The following BCAS3 variants were observed in gnomAD, a reference collection of about 807,000 sequenced individuals.
BCAS3 encodes the protein BCAS4/BCAS3 fusion.
A neutral mutation model predicts 116.1 loss-of-function variants in BCAS3; 53 were observed. The observed-to-expected ratio is 0.46, with a 90% CI of 0.37 to 0.57. The LOEUF is 0.57. Among genes scored for constraint, BCAS3 ranks in the 20% least tolerant of loss-of-function variants. BCAS3 has a pLI of 0.00. For synonymous variants in BCAS3, 391 were observed against 408.2 expected, an observed-to-expected ratio of 0.96 and a Z score of 0.51; for missense variants, 917 against 1,165.4, an observed-to-expected ratio of 0.79 and a Z score of 3.10.
intron 22 of BCAS3, among the ~76,000 whole-genome samples, chr17:61,293,756 A>C (rs916957965): frequency 3.3e-5 from 5 of 152,228 alleles, no homozygotes; most frequent in African/African-American, 1.2e-4. Flanking sequence ...ATCTACTGGA[A>C]ATAGCACCTC....
rs1203957102 is a variant in BCAS3, at chr17:60,825,578, T to C, written c.476+17502T>C. On this transcript the variant is annotated intron_variant, in intron 7 of 23. Coordinates refer to ENST00000407086, the MANE Select transcript of BCAS3 (RefSeq NM_017679.5). ...TAATAATTTATAAATAATTATTATT[T>C]ATAATAATTTATAAATAACAGTTCT... is the stretch of plus-strand genomic sequence containing the variant. Among the ~76,000 whole-genome samples the C allele has an allele frequency of 3.4e-5, 5 of 146,620 alleles. No individual in the cohort carries two copies. The East Asian group carries it at 9.8e-4, about 29-fold the overall frequency.
At chr17:61,317,420 A>G (rs1377307567) in intron 22 of BCAS3, among the ~76,000 whole-genome samples, 1 of 152,218 alleles carries the variant, frequency 6.6e-6, no homozygotes, top group Non-Finnish European at 1.5e-5. Flanking sequence ...CTGGGAAACA[A>G]GCCTTTCCCA....
intron 5 of BCAS3, among the ~76,000 whole-genome samples, chr17:60,734,969 C>T (rs1231630802): frequency 1.3e-5 from 2 of 152,086 alleles, no homozygotes; most frequent in Non-Finnish European, 2.9e-5. Flanking sequence ...TGGAATGTCT[C>T]TTCATTTATT....
chr17:60,715,229 G>T (rs1258415152), intron 5 of BCAS3, among the ~76,000 whole-genome samples: 2 of 151,130 alleles, frequency 1.3e-5, no homozygotes, highest in Admixed American at 1.3e-4. Flanking sequence ...CACCTCTGGG[G>T]TTCAAGTAGT....
At chr17:60,815,119 A>G (rs1374111237) in intron 7 of BCAS3, among the ~76,000 whole-genome samples, 2 of 152,236 alleles carry the variant, frequency 1.3e-5, no homozygotes, top group Non-Finnish European at 2.9e-5. Flanking sequence ...CAGCCATAAA[A>G]AAGGATGAGT....
At chr17:60,778,248 T>C (rs2045490487) in intron 6 of BCAS3, among the ~76,000 whole-genome samples, 1 of 152,136 alleles carries the variant, frequency 6.6e-6, no homozygotes, top group South Asian at 2.1e-4. Context: ...CTATGGTCTT[T>C]AGCGTCTCTT....
chr17:61,310,995 T>TA (rs959307983), intron 22 of BCAS3, among the ~76,000 whole-genome samples: 4 of 152,320 alleles, frequency 2.6e-5, no homozygotes, highest in Non-Finnish European at 5.9e-5. Context: ...TTGAGCAAGT[T>TA]ACTTACCTCT....
chr17:61,045,954 A>T (rs1213615110), intron 19 of BCAS3, among the ~76,000 whole-genome samples: 7 of 11,240 alleles, frequency 6.2e-4, no homozygotes, highest in South Asian at 6.8e-3. Flanking sequence ...TATATATATA[A>T]ATATATATAT....
At position 61,038,813 on chromosome 17, in the gene BCAS3, C is replaced by T. The variant is rs139920635; in HGVS notation, c.1928+759C>T. On this transcript the variant is annotated intron_variant, in intron 18 of 23. Coordinates refer to ENST00000407086, the MANE Select transcript of BCAS3 (RefSeq NM_017679.5). Reference sequence around the variant, plus strand: ...CCTCCTGAGTAGCTGGGACCACAGGCGCCTGCCATCCCATCTGGCTAATTT... The same window carrying T: ...CCTCCTGAGTAGCTGGGACCACAGGTGCCTGCCATCCCATCTGGCTAATTT... 3.4e-3 allele frequency among the ~76,000 whole-genome samples: 522 copies of T among 151,638 alleles called. 2 individuals carry two copies. The highest frequency in any genetic ancestry group is 0.012 in the African/African-American group (489 of 41,408).
Position 61,145,879 on chromosome 17 carries a change from A to C in BCAS3, c.2425+61315A>C, listed in dbSNP as rs962875026. Among the ~76,000 whole-genome samples, 3 of 151,348 alleles carry C rather than the reference A, an allele frequency of 2.0e-5. No individual in the cohort carries two copies. The highest frequency in any genetic ancestry group is 6.6e-5 in the Admixed American group (1 of 15,194). The stretch of plus-strand genomic sequence containing the variant: ...ATATTTCATTTTTTTTTCTTCCCTC[A>C]CAAATTTCAACCCAGGCCACTTGTT... On this transcript the variant is annotated intron_variant, in intron 22 of 23. Transcript: ENST00000407086. This position sits in a 1 kb window ranked among gnomAD's most constrained non-coding sequence, Gnocchi z 5.0.
chr17:60,935,015 G>A (rs941908367), intron 13 of BCAS3, among the ~76,000 whole-genome samples: 2 of 152,074 alleles, frequency 1.3e-5, no homozygotes, highest in Admixed American at 1.3e-4. Context: ...AAAATCAGCC[G>A]GGTGTGGTGG....
chr17:61,179,537 A>G (rs558095290), intron 22 of BCAS3, among the ~76,000 whole-genome samples: 1 of 152,294 alleles, frequency 6.6e-6, no homozygotes, highest in African/African-American at 2.4e-5. Context: ...GGGGAGGAGT[A>G]GTGTTCAGTA....
rs1480951816 is a variant in BCAS3, at chr17:61,189,790, G to A, written c.2425+105226G>A. Reference sequence around the variant, plus strand: ...TGTAAGAGAAGCGGTTTAAAGAGGAGCTCAATCCTTTTAGGAATTTGACCT... The same window carrying A: ...TGTAAGAGAAGCGGTTTAAAGAGGAACTCAATCCTTTTAGGAATTTGACCT... On this transcript the variant is annotated intron_variant, in intron 22 of 23. Transcript: ENST00000407086. This position sits in a 1 kb window ranked among gnomAD's most constrained non-coding sequence, Gnocchi z 4.5. Among the ~76,000 whole-genome samples the A allele has an allele frequency of 6.6e-6, 1 of 152,172 alleles. No individual in the cohort carries two copies. Among genetic ancestry groups the A allele is most frequent in the South Asian group, 2.1e-4 (1 of 4,832 alleles).
Position 61,161,233 on chromosome 17 carries a change from A to G in BCAS3, c.2425+76669A>G, listed in dbSNP as rs1295600772. On this transcript the variant is annotated intron_variant, in intron 22 of 23. Transcript: ENST00000407086. The surrounding 1 kb of genome is among the most constrained non-coding windows in gnomAD (Gnocchi z 4.8). ...TTGCAATCTGAGAGTAATATGAAAC[A>G]TTTTGGTTTGGCTGCCAAGTACATC... Among the ~76,000 whole-genome samples, 1 of 152,240 alleles carries G rather than the reference A, an allele frequency of 6.6e-6. No individual in the cohort carries two copies. Among genetic ancestry groups the G allele is most frequent in the Non-Finnish European group, 1.5e-5 (1 of 68,048 alleles).
chr17:61,066,034 A>G (rs997401368), intron 19 of BCAS3, among the ~76,000 whole-genome samples: 27 of 152,236 alleles, frequency 1.8e-4, no homozygotes, highest in African/African-American at 6.0e-4. Context: ...TATCTCACAT[A>G]TAAAACTAGG....
rs2144423807 is a variant in BCAS3 at position 61,229,653 on chromosome 17, A to G, written c.2426-138674A>G. On this transcript the variant is annotated intron_variant, in intron 22 of 23. Coordinates refer to ENST00000407086, the MANE Select transcript of BCAS3 (RefSeq NM_017679.5). The surrounding 1 kb of genome is among the most constrained non-coding windows in gnomAD (Gnocchi z 4.4). ...GTCTAAATACAATAGTTTTCCTTCC[A>G]GGCAGCCTCAGTCCACGTTCATGAG... Among the ~76,000 whole-genome samples, 1 of 152,338 alleles carries G rather than the reference A, an allele frequency of 6.6e-6. No individual in the cohort carries two copies. The highest frequency in any genetic ancestry group is 2.1e-4 in the South Asian group (1 of 4,832).
At chr17:60,754,606 C>T (rs1408973718) in intron 6 of BCAS3, among the ~76,000 whole-genome samples, 2 of 151,830 alleles carry the variant, frequency 1.3e-5, no homozygotes, top group Non-Finnish European at 2.9e-5. Flanking sequence ...ATTCTGTTTC[C>T]TTCCTGCTCC....
intron 22 of BCAS3, among the ~76,000 whole-genome samples, chr17:61,177,593 G>A (rs2079219150): frequency 1.3e-5 from 2 of 152,270 alleles, no homozygotes; most frequent in East Asian, 1.9e-4. Flanking sequence ...TTTAACCTTT[G>A]GCAGTGATCA....
chr17:61,011,190 T>C (rs955898726), intron 15 of BCAS3, among the ~76,000 whole-genome samples: 1 of 152,064 alleles, frequency 6.6e-6, no homozygotes, highest in African/African-American at 2.4e-5. Context: ...TTAGTGAAGG[T>C]GATACCTTGT....
Sources: gnomAD v4.1 joint callset for allele counts (sites outside exome capture counted in the v4.1 genomes callset) on GRCh38, gnomAD v4.1.1 for gene constraint, Gnocchi (gnomAD v3.1) non-coding constraint, MANE v1.5 for transcripts, NCBI Gene and HGNC (gene_info 2026-07-23, HGNC 2026-07-21) for gene names.